The following CTNNA3 variants were observed in gnomAD, a reference collection of about 807,000 sequenced individuals.
CTNNA3 encodes catenin alpha-3.
In CTNNA3, 76 loss-of-function variants were observed where a neutral mutation model predicts 95.7. The ratio of observed to expected loss-of-function variants is 0.79; its 90% CI spans 0.66 to 0.96. The LOEUF is 0.96. Among genes scored for constraint, CTNNA3 ranks in the 40% least tolerant of loss-of-function variants. CTNNA3 has a pLI of 0.00. For missense variants in CTNNA3, 1,191 were observed against 1,089.8 expected (o/e 1.09, Z -1.31); for synonymous variants, 431 against 374.4 (o/e 1.15, Z -1.74).
At chr10:66,540,898 G>A (rs188157093) in intron 10 of CTNNA3, among the ~76,000 whole-genome samples, 1 of 152,074 alleles carries the variant, frequency 6.6e-6, no homozygotes, top group Admixed American at 6.6e-5. Flanking sequence ...TAAAAGGGAT[G>A]GTCTTCATGT....
intron 3 of CTNNA3, among the ~76,000 whole-genome samples, chr10:67,583,906 C>A (rs1351693913): frequency 6.6e-6 from 1 of 152,126 alleles, no homozygotes; most frequent in Non-Finnish European, 1.5e-5. Context: ...GTTTTCAGCT[C>A]TATCAGGTCA....
chr10:66,347,097 G>A (rs2092528285), intron 12 of CTNNA3, among the ~76,000 whole-genome samples: 1 of 151,990 alleles, frequency 6.6e-6, no homozygotes, highest in Non-Finnish European at 1.5e-5. Context: ...TATAGATAGA[G>A]ATATGGAATC....
intron 5 of CTNNA3, among the ~76,000 whole-genome samples, chr10:67,376,793 T>A (rs189741146): frequency 5.9e-5 from 9 of 152,302 alleles, no homozygotes; most frequent in Admixed American, 4.6e-4. Flanking sequence ...AGGGAACTCT[T>A]GGAAAAGTAG....
At chr10:66,049,778 A>G (rs10996855) in intron 15 of CTNNA3, among the ~76,000 whole-genome samples, 27,178 of 146,016 alleles carry the variant, frequency 0.19, 2,945 homozygotes, top group Middle Eastern at 0.26. Flanking sequence ...AACAAAATAC[A>G]TTAGCATCTA....
rs945934505 is a variant in CTNNA3 at position 66,372,312 on chromosome 10, C to T, written c.1732+6840G>A. Among the ~76,000 whole-genome samples, 20 of 152,082 alleles carry T rather than the reference C, an allele frequency of 1.3e-4. 1 individual carries two copies. The highest frequency in any genetic ancestry group is 9.2e-4 in the Admixed American group (14 of 15,242). ...CTGAATTAGTCATTTTACAGAAATA[C>T]GGGAAAGTAGGATCAGAATGAAAGA... On this transcript the variant is annotated intron_variant, in intron 12 of 17. Transcript: ENST00000433211.
chr10:66,652,350 G>T (rs572307450), intron 9 of CTNNA3, among the ~76,000 whole-genome samples: 12 of 152,086 alleles, frequency 7.9e-5, no homozygotes, highest in African/African-American at 2.6e-4. Flanking sequence ...AAGAGTATAA[G>T]ACACTATTAT....
At chr10:66,050,109 C>T (rs2133532186) in intron 15 of CTNNA3, among the ~76,000 whole-genome samples, 1 of 152,196 alleles carries the variant, frequency 6.6e-6, no homozygotes, top group East Asian at 1.9e-4. Context: ...TCTCTTTTCA[C>T]ATAGCCTACC....
rs1033846568 is a variant in CTNNA3 at position 66,312,638 on chromosome 10, C to T, written c.1733-32017G>A. Among the ~76,000 whole-genome samples the T allele has an allele frequency of 3.3e-5, 5 of 151,950 alleles. No individual in the cohort carries two copies. The South Asian group carries it at 6.2e-4, about 19-fold the overall frequency. On this transcript the variant is annotated intron_variant, in intron 12 of 17. Transcript: ENST00000433211. ...ATCAACTTACCGCAATCTCCACCTC[C>T]TGGGTTCAAGAGATTCCCCTGCCTC...
chr10:67,112,054 G>T (rs1858935792), intron 7 of CTNNA3, among the ~76,000 whole-genome samples: 1 of 152,100 alleles, frequency 6.6e-6, no homozygotes, highest in African/African-American at 2.4e-5. Context: ...GCTATTAAAT[G>T]AATCATTCAC....
intron 7 of CTNNA3, among the ~76,000 whole-genome samples, chr10:66,840,323 A>ATCTCTCTCTCTCTCTCTCTC (rs71035189): frequency 2.2e-5 from 2 of 90,638 alleles, no homozygotes; most frequent in South Asian, 6.0e-4. Context: ...CCAAGAAGCC[A>ATCTCTCTCTCTCTCTCTCTC]TCTCTCTCTC....
chr10:66,683,572 T>C (rs1171849374), intron 9 of CTNNA3, among the ~76,000 whole-genome samples: 1 of 152,212 alleles, frequency 6.6e-6, no homozygotes, highest in African/African-American at 2.4e-5. Flanking sequence ...ATCTTATCCA[T>C]ATTTAATGTT....
At chr10:66,327,501 G>A (rs74141448) in intron 12 of CTNNA3, among the ~76,000 whole-genome samples, 1 of 151,968 alleles carries the variant, frequency 6.6e-6, no homozygotes, top group Non-Finnish European at 1.5e-5. Flanking sequence ...AAAGAATTTA[G>A]AAATGTCCTT....
chr10:66,908,674 GT>G (rs960123663), intron 7 of CTNNA3, among the ~76,000 whole-genome samples: 371 of 151,616 alleles, frequency 2.4e-3, no homozygotes, highest in African/African-American at 8.3e-3. Flanking sequence ...ATTAATCATT[GT>G]TTTTTTTTAA....
chr10:66,157,130 G>T (rs1275908887), intron 13 of CTNNA3, among the ~76,000 whole-genome samples: 1 of 151,716 alleles, frequency 6.6e-6, no homozygotes, highest in African/African-American at 2.4e-5. Context: ...TGAGACTTTG[G>T]TGCACCCATC....
rs141998224 is a variant in CTNNA3, at chr10:66,169,152, C to A, written c.1885-65903G>T. On this transcript the variant is annotated intron_variant, in intron 13 of 17. Transcript: ENST00000433211. ...CTGAACAGTACAAATTGAAGCCAAT[C>A]TGTAGTCTTTTATCCCTCACTCCCT... 1.3e-3 allele frequency among the ~76,000 whole-genome samples: 205 copies of A among 152,248 alleles called. 2 individuals are homozygous for A. Among genetic ancestry groups the A allele is most frequent in the Middle Eastern group, 6.8e-3 (2 of 294 alleles).
At chr10:66,323,141 A>G (rs551311006) in intron 12 of CTNNA3, among the ~76,000 whole-genome samples, 1 of 152,118 alleles carries the variant, frequency 6.6e-6, no homozygotes, top group South Asian at 2.1e-4. Flanking sequence ...CTTTTAAAAA[A>G]TTTATTTTTA....
At chr10:66,070,806 G>T (rs1455361198) in intron 14 of CTNNA3, among the ~76,000 whole-genome samples, 1 of 152,090 alleles carries the variant, frequency 6.6e-6, no homozygotes, top group Admixed American at 6.6e-5. Flanking sequence ...ATAAGATTGC[G>T]ACTGACCCTG....
chr10:66,959,512 TC>T, intron 7 of CTNNA3, among the ~76,000 whole-genome samples: 1 of 152,146 alleles, frequency 6.6e-6, no homozygotes, highest in East Asian at 1.9e-4. Context: ...TCCCCTGAGT[TC>T]TAAGGGCTCT....
At chr10:67,172,701 C>T (rs1054475681) in intron 7 of CTNNA3, among the ~76,000 whole-genome samples, 12 of 152,106 alleles carry the variant, frequency 7.9e-5, no homozygotes, top group South Asian at 2.1e-4. Context: ...TGGCCGGGCA[C>T]GGTGGCTTAC....
Sources: gnomAD v4.1 joint callset for allele counts (sites outside exome capture counted in the v4.1 genomes callset) on GRCh38, gnomAD v4.1.1 for gene constraint, MANE v1.5 for transcripts, NCBI Gene and HGNC (gene_info 2026-07-23, HGNC 2026-07-21) for gene names.